The following CHD4 variants were observed in gnomAD, a reference collection of about 807,000 sequenced individuals.
CHD4 encodes chromodomain helicase DNA binding protein 4, also known as ATP-dependent chromatin remodeler CHD4.
Under a neutral mutation model 235.5 loss-of-function variants are expected in CHD4, and 35 were observed. The observed-to-expected ratio is 0.15, with a 90% CI of 0.11 to 0.20. The LOEUF (loss-of-function observed/expected upper bound fraction) is 0.20. CHD4 is among the 10% of genes least tolerant of loss of function. The probability of loss-of-function intolerance (pLI) is 1.00; values close to 1 mark genes in which losing one functional copy is unlikely to be tolerated. For missense variants in CHD4, 1,329 were observed against 2,432.3 expected (o/e 0.55, Z 9.54); for synonymous variants, 900 against 850.2 (o/e 1.06, Z -1.02).
At chr12:6,604,923 A>G (rs1948663948) in intron 2 of CHD4, among the ~76,000 whole-genome samples, 2 of 152,006 alleles carry the variant, frequency 1.3e-5, no homozygotes, top group Admixed American at 6.6e-5. Context: ...ACTGTTTCTC[A>G]TGCCCCTCTC....
At chr12:6,578,385 C>T (rs1387065819) in intron 35 of CHD4, 24 bp downstream of exon 35, 6 of 1,608,640 alleles carry the variant, frequency 3.7e-6, no homozygotes, top group East Asian at 2.2e-5. Context: ...CCTTCTAACC[C>T]TGGTGGGCCC....
At chr12:6,601,903 A>G in intron 4 of CHD4, 57 bp downstream of exon 4, 2 of 1,592,094 alleles carry the variant, frequency 1.3e-6, no homozygotes, top group South Asian at 2.2e-5. Context: ...TAAGGTGTCT[A>G]GGAAACAAAA....
rs1414295315 is a variant in CHD4 at position 6,593,632 on chromosome 12, GGA to G, written c.2314-18_2314-17del. 5.0e-6 allele frequency: 8 copies of G among 1,613,096 alleles called. No individual in the cohort carries two copies. Among genetic ancestry groups the G allele is most frequent in the Non-Finnish European group, 4.2e-6 (5 of 1,179,536 alleles). On this transcript the variant is annotated splice_polypyrimidine_tract_variant and intron_variant, in intron 15 of 39. Coordinates refer to ENST00000544040, the MANE Select transcript of CHD4 (RefSeq NM_001273.5). The surrounding 1 kb of genome is among the most constrained non-coding windows in gnomAD (Gnocchi z 4.9). The stretch of plus-strand genomic sequence containing the variant: ...TGGAATGACCCTTTGAGAAAAAAGA[GGA>G]GAGTCAGGACTGAGGGCCCCAGCAC...
chr12:6,586,663 C>T (rs756644446), intron 25 of CHD4, among the ~76,000 whole-genome samples: 29 of 151,876 alleles, frequency 1.9e-4, no homozygotes, highest in Non-Finnish European at 4.0e-4. Flanking sequence ...CCACTGCACT[C>T]TAGCCTGGGT....
At chr12:6,601,913 A>G in intron 4 of CHD4, 47 bp downstream of exon 4, 1 of 1,601,618 alleles carries the variant, frequency 6.2e-7, no homozygotes, top group South Asian at 1.1e-5. Context: ...AGGAAACAAA[A>G]AGACAAAAGT....
intron 5 of CHD4, 42 bp downstream of exon 5, chr12:6,601,605 AG>A (rs755655982): frequency 6.2e-7 from 1 of 1,613,422 alleles, no homozygotes. Context: ...AAGAGAGAAC[AG>A]AAAGATTCTC....
At chr12:6,591,427 A>G (rs1444461152) in intron 22 of CHD4, 39 bp downstream of exon 22, 5 of 1,509,194 alleles carry the variant, frequency 3.3e-6, no homozygotes, top group Non-Finnish European at 3.7e-6. Context: ...ATATAAGCAA[A>G]TGAGGATTCC....
rs760852905 is a variant in CHD4, at chr12:6,570,637, G to A, written c.*39C>T. 9.9e-6 allele frequency: 16 copies of A among 1,613,830 alleles called. No individual in the cohort carries two copies. Among genetic ancestry groups the A allele is most frequent in the Non-Finnish European group, 1.2e-5 (14 of 1,179,748 alleles). ...GCTGGGACAAGAGAAAGTGAGGAAGGTCACTGCTCAGCGGTGGAGGTGGTA... is the reference window on the plus strand; with the variant it reads ...GCTGGGACAAGAGAAAGTGAGGAAGATCACTGCTCAGCGGTGGAGGTGGTA... On this transcript the variant is annotated 3_prime_UTR_variant, in exon 40 of 40. Transcript: ENST00000544040.
At chr12:6,592,311 A>C in intron 19 of CHD4, 82 bp downstream of exon 19, 1 of 1,495,482 alleles carries the variant, frequency 6.7e-7, no homozygotes, top group Middle Eastern at 2.4e-4. Flanking sequence ...GATGCCTTGA[A>C]GCTGAGTGGG....
intron 12 of CHD4, among the ~76,000 whole-genome samples, chr12:6,596,799 C>CA (rs957810754): frequency 1.6e-4 from 22 of 137,568 alleles, no homozygotes; most frequent in Admixed American, 1.0e-3. Context: ...GACTCCATTT[C>CA]AAAAAAAAAA....
At chr12:6,582,785 T>A in intron 28 of CHD4, 37 bp from the exon 29 acceptor site, 2 of 1,614,070 alleles carry the variant, frequency 1.2e-6, no homozygotes, top group Non-Finnish European at 1.7e-6. Context: ...AGGCAGCAGG[T>A]CGCATTCCAC....
chr12:6,605,939 A>AC (rs984709442), intron 2 of CHD4, among the ~76,000 whole-genome samples: 1 of 151,782 alleles, frequency 6.6e-6, no homozygotes, highest in East Asian at 1.9e-4. Context: ...CACCACCACC[A>AC]CCACAAGCCT....
intron 33 of CHD4, 93 bp from the exon 34 acceptor site, chr12:6,579,010 A>C: frequency 1.7e-6 from 2 of 1,173,910 alleles, no homozygotes; most frequent in Non-Finnish European, 2.5e-6. Context: ...CCACATCTAA[A>C]TGTCTGCAAT....
rs779081069 is a variant in CHD4, at chr12:6,587,961, C to T, written c.3466-12G>A. 20 of 1,609,722 alleles carry T rather than the reference C, an allele frequency of 1.2e-5. No individual in the cohort carries two copies. The highest frequency in any genetic ancestry group is 1.6e-5 in the Non-Finnish European group (19 of 1,176,150). ...GCTCTGCTAAAGGCCTGGAGTTGAA[C>T]AGGAAATAAAGCCAGAAATTGTATT... is the stretch of plus-strand genomic sequence containing the variant. On this transcript the variant is annotated splice_polypyrimidine_tract_variant and intron_variant, in intron 23 of 39. Transcript: ENST00000544040.
chr12:6,591,751 C>T lies in CHD4; in HGVS notation c.3165G>A (p.Leu1055=). 1.9e-6 allele frequency: 3 copies of T among 1,614,234 alleles called. No individual in the cohort carries two copies. Among genetic ancestry groups the T allele is most frequent in the East Asian group, 4.5e-5 (2 of 44,892 alleles). ...CCTTAAGGTTCTTGAGCATTTTCTG[C>T]AGCAGCAATAATTTCCCAGATGCTC... ...LIRASGKLLL[L]QKMLKNLKEG... Residue 1055 remains leucine, a synonymous_variant, in exon 21 of 40, where the codon CTG becomes CTA. Transcript: ENST00000544040.
chr12:6,585,863 C>T (rs1372252158), intron 25 of CHD4, among the ~76,000 whole-genome samples: 2 of 150,042 alleles, frequency 1.3e-5, no homozygotes, highest in South Asian at 2.1e-4. Flanking sequence ...TTTGGGAGGC[C>T]GAGGCAGGCG....
In CHD4 at chr12:6,570,882, G is replaced by C. The variant is rs546642856; in HGVS notation, c.5708C>G (p.Pro1903Arg). The change falls in exon 39 of 40, where the codon CCT (proline) becomes CGT (arginine). Residue 1903 changes from proline to arginine, a missense_variant. By Grantham distance (103) the Pro-to-Arg change is moderately radical. Transcript: ENST00000544040. ...LSRLANRAPE[P>R]TPQQVAQQQ ...AAATGGTCCTACCTGCTGTGGGGTA[G>C]GTTCGGGTGCCCGGTTTGCCAGGCG... 1 of 1,614,184 alleles carries C rather than the reference G, an allele frequency of 6.2e-7. No homozygotes were observed. The highest frequency in any genetic ancestry group is 1.1e-5 in the South Asian group (1 of 91,080).
chr12:6,598,670 G>C (rs770414350), intron 10 of CHD4, among the ~76,000 whole-genome samples: 1 of 152,148 alleles, frequency 6.6e-6, no homozygotes, highest in Admixed American at 6.5e-5. Flanking sequence ...TTAGCTGGGC[G>C]TGGTGGCATG....
intron 15 of CHD4, 35 bp downstream of exon 15, chr12:6,594,424 C>A: frequency 2.6e-6 from 4 of 1,560,134 alleles, no homozygotes; most frequent in East Asian, 4.5e-5. Context: ...CACAAAACAC[C>A]CACACAAAAA....
Sources: allele counts gnomAD v4.1 joint callset (sites outside exome capture counted in the v4.1 genomes callset), GRCh38; gene constraint gnomAD v4.1.1; non-coding constraint Gnocchi (gnomAD v3.1); transcripts MANE v1.5; gene names NCBI Gene and HGNC (gene_info 2026-07-23, HGNC 2026-07-21).